The following STAG1 variants were observed in gnomAD, a reference collection of about 807,000 sequenced individuals.
STAG1 encodes cohesin subunit SA-1.
A neutral mutation model predicts 170.9 loss-of-function variants in STAG1; 26 were observed. That is an observed-to-expected ratio of 0.15 (90% CI 0.11 to 0.21). STAG1 has a LOEUF of 0.21. STAG1 is among the 10% of genes least tolerant of loss of function. The probability of loss-of-function intolerance (pLI) is 1.00; values close to 1 mark genes in which losing one functional copy is unlikely to be tolerated. For missense variants in STAG1, 964 were observed against 1,509.5 expected (o/e 0.64, Z 5.99); for synonymous variants, 514 against 497.7 (o/e 1.03, Z -0.44).
intron 1 of STAG1, among the ~76,000 whole-genome samples, chr3:136,717,194 C>A (rs888093410): frequency 6.6e-6 from 1 of 152,202 alleles, no homozygotes; most frequent in African/African-American, 2.4e-5. Flanking sequence ...ACACACTTAA[C>A]CTTCTCATTA....
intron 4 of STAG1, among the ~76,000 whole-genome samples, chr3:136,596,638 A>C (rs767249674): frequency 2.0e-5 from 3 of 152,222 alleles, no homozygotes; most frequent in Non-Finnish European, 4.4e-5. Flanking sequence ...AAATAACCTT[A>C]AGTATATTTT....
At chr3:136,743,092 T>A (rs1934757146) in intron 1 of STAG1, among the ~76,000 whole-genome samples, 1 of 152,148 alleles carries the variant, frequency 6.6e-6, no homozygotes, top group Non-Finnish European at 1.5e-5. Flanking sequence ...ACTGGCCAGA[T>A]GCAGTGGCTC....
At chr3:136,464,160 A>G (rs1162790078) in intron 13 of STAG1, among the ~76,000 whole-genome samples, 1 of 152,068 alleles carries the variant, frequency 6.6e-6, no homozygotes, top group Non-Finnish European at 1.5e-5. Flanking sequence ...GTGGTGGCTC[A>G]TGCCTGTAAT....
At chr3:136,564,737 C>A (rs1284489911) in intron 5 of STAG1, among the ~76,000 whole-genome samples, 2 of 151,758 alleles carry the variant, frequency 1.3e-5, no homozygotes, top group African/African-American at 2.4e-5. Context: ...AGGATAGGAA[C>A]AAAGAATTCA....
chr3:136,710,670 T>G (rs1330129113), intron 1 of STAG1, among the ~76,000 whole-genome samples: 1 of 152,046 alleles, frequency 6.6e-6, no homozygotes, highest in Non-Finnish European at 1.5e-5. Flanking sequence ...CAAAATAAAG[T>G]TTGCCAAGAA....
intron 3 of STAG1, among the ~76,000 whole-genome samples, chr3:136,615,868 G>T (rs1194500363): frequency 6.6e-6 from 1 of 152,078 alleles, no homozygotes; most frequent in Non-Finnish European, 1.5e-5. Flanking sequence ...AAGACCAAAG[G>T]TAGGAAGCTA....
intron 1 of STAG1, among the ~76,000 whole-genome samples, chr3:136,719,481 A>C (rs200941103): frequency 8.5e-5 from 13 of 152,066 alleles, no homozygotes; most frequent in South Asian, 4.1e-4. Context: ...GTACACTTAA[A>C]ATGGGAGAAT....
chr3:136,591,543 A>T (rs1477027138), intron 4 of STAG1: 1 of 443,016 alleles, frequency 2.3e-6, no homozygotes, highest in Non-Finnish European at 4.5e-6. Context: ...TTGAAAGGTC[A>T]ACATCTCTAT....
At chr3:136,632,557 A>C (rs1177381622) in intron 1 of STAG1, among the ~76,000 whole-genome samples, 1 of 152,128 alleles carries the variant, frequency 6.6e-6, no homozygotes, top group Non-Finnish European at 1.5e-5. Context: ...AAATATATAT[A>C]CTACACATAA....
At chr3:136,512,525 C>T (rs1389933957) in intron 7 of STAG1, among the ~76,000 whole-genome samples, 1 of 152,148 alleles carries the variant, frequency 6.6e-6, no homozygotes, top group African/African-American at 2.4e-5. Context: ...AGACATTTAT[C>T]TTCTCAAGAA....
At chr3:136,464,831 AGAAAACAACAT>A (rs1002994818) in intron 13 of STAG1, 39 bp downstream of exon 13, 1 of 1,480,574 alleles carries the variant, frequency 6.8e-7, no homozygotes, top group African/African-American at 1.4e-5. Flanking sequence ...TAAAACAACA[AGAAAACAACAT>A]AGAAAAGTAG....
intron 1 of STAG1, among the ~76,000 whole-genome samples, chr3:136,683,477 T>C (rs550824837): frequency 3.9e-4 from 59 of 152,304 alleles, no homozygotes; most frequent in African/African-American, 1.3e-3. Flanking sequence ...TTGGCCAGGC[T>C]GGTCTCAAAC....
intron 5 of STAG1, among the ~76,000 whole-genome samples, chr3:136,552,874 C>T (rs1381741940): frequency 1.3e-5 from 2 of 152,074 alleles, no homozygotes; most frequent in Admixed American, 6.6e-5. Context: ...AAAGCAAATG[C>T]TAAATCCTCT....
At chr3:136,733,376 G>A (rs551092195) in intron 1 of STAG1, among the ~76,000 whole-genome samples, 7 of 152,220 alleles carry the variant, frequency 4.6e-5, no homozygotes, top group East Asian at 3.9e-4. Flanking sequence ...ATGAGCTACC[G>A]TGCCTGGCCA....
chr3:136,523,709 A>G (rs1934822465), intron 6 of STAG1, among the ~76,000 whole-genome samples: 1 of 152,142 alleles, frequency 6.6e-6, no homozygotes. Context: ...GTTTTCTTCT[A>G]GAGTTTTTAT....
intron 1 of STAG1, among the ~76,000 whole-genome samples, chr3:136,714,920 A>C (rs1576800511): frequency 8.5e-6 from 1 of 117,310 alleles, no homozygotes; most frequent in East Asian, 2.2e-4. Flanking sequence ...AAAAAAAAAA[A>C]AACAAATATA....
chr3:136,489,308 T>C (rs1000760527), intron 9 of STAG1, among the ~76,000 whole-genome samples: 1 of 152,234 alleles, frequency 6.6e-6, no homozygotes, highest in African/African-American at 2.4e-5. Context: ...ATTGGATTAC[T>C]TTCTCAGCAG....
chr3:136,549,269 T>G (rs144280967), intron 5 of STAG1, among the ~76,000 whole-genome samples: 2 of 152,314 alleles, frequency 1.3e-5, no homozygotes, highest in East Asian at 3.9e-4. Flanking sequence ...CTTTGCCGAA[T>G]TGATTGATGA....
At chr3:136,588,243 T>C (rs970439469) in intron 4 of STAG1, among the ~76,000 whole-genome samples, 5 of 152,186 alleles carry the variant, frequency 3.3e-5, no homozygotes, top group Non-Finnish European at 7.3e-5. Flanking sequence ...TCAGAACTTA[T>C]TAACATTAGT....
Sources: allele counts gnomAD v4.1 joint callset (sites outside exome capture counted in the v4.1 genomes callset), GRCh38; gene constraint gnomAD v4.1.1; transcripts MANE v1.5; gene names NCBI Gene and HGNC (gene_info 2026-07-23, HGNC 2026-07-21).